Variants in MAP4K3 observed in about 807,000 individuals in gnomAD.
The protein encoded by MAP4K3 is MAPK/ERK kinase kinase kinase 3.
A neutral mutation model predicts 143.5 loss-of-function variants in MAP4K3; 94 were observed. That is an observed-to-expected ratio of 0.65 (90% CI 0.55 to 0.78). The LOEUF is 0.78. Among genes scored for constraint, MAP4K3 ranks in the 30% least tolerant of loss-of-function variants. The pLI is 0.00. For synonymous variants in MAP4K3, 416 were observed against 347.2 expected (o/e 1.20, Z -2.20); for missense variants, 1,077 against 1,068.1 (o/e 1.01, Z -0.12).
chr2:39,400,174 C>T (rs893223119), intron 1 of MAP4K3, among the ~76,000 whole-genome samples: 1 of 152,112 alleles, frequency 6.6e-6, no homozygotes, highest in Admixed American at 6.5e-5. Flanking sequence ...CTTAACCCTC[C>T]CCATCCCTCC....
chr2:39,377,426 T>C (rs531996766), intron 2 of MAP4K3, among the ~76,000 whole-genome samples: 1 of 152,150 alleles, frequency 6.6e-6, no homozygotes, highest in Non-Finnish European at 1.5e-5. Flanking sequence ...GGAAGGGGTT[T>C]CTAAGAGAGA....
In MAP4K3 at chr2:39,269,824, AACACCTCATT is replaced by A. The variant is rs754761535; in HGVS notation, c.1973+2449_1973+2458del. Among the ~76,000 whole-genome samples, 58 of 152,300 alleles carry A rather than the reference AACACCTCATT, an allele frequency of 3.8e-4. 1 individual carries two copies. The highest frequency in any genetic ancestry group is 7.8e-4 in the Admixed American group (12 of 15,304). ...ATTCTGATTACGATTTTCTGGTTAA[AACACCTCATT>A]GTACCCTTGACTAACTTTACATTAG... is the stretch of plus-strand genomic sequence containing the variant. On this transcript the variant is annotated intron_variant, in intron 26 of 33. Coordinates refer to ENST00000263881, the MANE Select transcript of MAP4K3 (RefSeq NM_003618.4).
In MAP4K3 at chr2:39,426,704, A is replaced by C. The variant is rs563512961; in HGVS notation, c.96+10188T>G. 2.0e-5 allele frequency among the ~76,000 whole-genome samples: 3 copies of C among 152,198 alleles called. No individual in the cohort carries two copies. The South Asian group carries it at 6.2e-4, about 32-fold the overall frequency. On this transcript the variant is annotated intron_variant, in intron 1 of 33. Transcript: ENST00000263881. ...TCTTTGCAATTATCCTGTGAATTGAAATTATTTTTTAAAAAGCAAACTTTT... is the reference window on the plus strand; with the variant it reads ...TCTTTGCAATTATCCTGTGAATTGACATTATTTTTTAAAAAGCAAACTTTT...
Position 39,325,994 on chromosome 2 carries a change from T to C in MAP4K3, c.663-33A>G, listed in dbSNP as rs771791966. The C allele has an allele frequency of 1.0e-5, 16 of 1,540,028 alleles. No homozygotes were observed. In the South Asian group the frequency reaches 1.9e-4, roughly 18 times the overall value. ...ATCAACAAATCATTACACAGCATTT[T>C]AATATTTCACATTTTTATCTATTAC... On this transcript the variant is annotated intron_variant, in intron 9 of 33. Coordinates refer to ENST00000263881, the MANE Select transcript of MAP4K3 (RefSeq NM_003618.4).
chr2:39,407,532 G>A (rs961159656), intron 1 of MAP4K3, among the ~76,000 whole-genome samples: 25 of 152,100 alleles, frequency 1.6e-4, no homozygotes, highest in African/African-American at 5.8e-4. Flanking sequence ...AAGGTTATCT[G>A]CCTAAACAGG....
intron 4 of MAP4K3, among the ~76,000 whole-genome samples, chr2:39,342,866 TAGAA>T (rs1435883077): frequency 6.6e-5 from 10 of 152,258 alleles, no homozygotes; most frequent in South Asian, 4.1e-4. Flanking sequence ...AATCCACTAA[TAGAA>T]AGAGAAAAGG....
chr2:39,357,697 C>T (rs928569057), intron 2 of MAP4K3, among the ~76,000 whole-genome samples: 6 of 152,324 alleles, frequency 3.9e-5, no homozygotes, highest in Non-Finnish European at 8.8e-5. Flanking sequence ...TATCAATTTA[C>T]TTCCCACCAT....
chr2:39,322,499 T>C (rs1005897315), intron 12 of MAP4K3, among the ~76,000 whole-genome samples: 1 of 151,800 alleles, frequency 6.6e-6, no homozygotes, highest in Admixed American at 6.6e-5. Flanking sequence ...ACTTCTAAAA[T>C]AGAAACTACA....
At chr2:39,373,378 A>G (rs1228186322) in intron 2 of MAP4K3, among the ~76,000 whole-genome samples, 5 of 152,204 alleles carry the variant, frequency 3.3e-5, no homozygotes, top group Non-Finnish European at 7.3e-5. Context: ...AACAGTTTGG[A>G]GGTTCCTCGA....
chr2:39,254,461 T>C lies in MAP4K3; in HGVS notation c.2530A>G (p.Arg844Gly), dbSNP rs1472160943. The C allele has an allele frequency of 1.9e-6, 3 of 1,613,882 alleles. No homozygotes were observed. The highest frequency in any genetic ancestry group is 2.5e-6 in the Non-Finnish European group (3 of 1,179,808). Residue 844 changes from arginine to glycine, a missense_variant, in exon 32 of 34, where the codon AGA becomes GGA. Around this residue, in one of 2 missense-constraint regions of MAP4K3, gnomAD observed 864 missense variants for 801.2 expected, o/e 1.08. Coordinates refer to ENST00000263881, the MANE Select transcript of MAP4K3 (RefSeq NM_003618.4). ...WKHGMQGRSF[R>G]SNEVTQEISD... ...CATAATTTACTTACCTCATTAGATCTAAAACTTCTACCTTGCATTCCATGT... is the reference window on the plus strand; with the variant it reads ...CATAATTTACTTACCTCATTAGATCCAAAACTTCTACCTTGCATTCCATGT...
intron 32 of MAP4K3, among the ~76,000 whole-genome samples, chr2:39,253,752 G>T (rs1288975885): frequency 2.0e-5 from 3 of 152,156 alleles, no homozygotes; most frequent in South Asian, 4.1e-4. Context: ...GATTGGCTTG[G>T]GGGTACTGGA....
chr2:39,358,248 G>A (rs1665666447), intron 2 of MAP4K3, among the ~76,000 whole-genome samples: 1 of 152,122 alleles, frequency 6.6e-6, no homozygotes, highest in Non-Finnish European at 1.5e-5. Context: ...TTACACTGAT[G>A]TCTGCATGTC....
intron 29 of MAP4K3, among the ~76,000 whole-genome samples, chr2:39,259,035 C>T (rs753682182): frequency 6.7e-6 from 1 of 148,956 alleles, no homozygotes; most frequent in Non-Finnish European, 1.5e-5. Context: ...GCCTGCTGCT[C>T]AGGCCGAAAT....
chr2:39,341,831 C>T (rs1435524886), intron 4 of MAP4K3, among the ~76,000 whole-genome samples: 1 of 152,046 alleles, frequency 6.6e-6, no homozygotes, highest in African/African-American at 2.4e-5. Flanking sequence ...TGCCAGATAT[C>T]TCTTCATTTT....
chr2:39,296,317 T>C (rs1473918006), intron 16 of MAP4K3, among the ~76,000 whole-genome samples: 3 of 152,186 alleles, frequency 2.0e-5, no homozygotes, highest in Admixed American at 1.3e-4. Context: ...AAATATTGCA[T>C]CTTGAGAGCA....
At chr2:39,414,879 A>G (rs1041532477) in intron 1 of MAP4K3, among the ~76,000 whole-genome samples, 4 of 152,036 alleles carry the variant, frequency 2.6e-5, no homozygotes, top group Middle Eastern at 3.4e-3. Flanking sequence ...TCCAACTCAA[A>G]AAAAAAAAAG....
chr2:39,298,982 A>AG (rs1553408172), intron 16 of MAP4K3, among the ~76,000 whole-genome samples: 3 of 150,800 alleles, frequency 2.0e-5, no homozygotes, highest in South Asian at 2.1e-4. Context: ...AAAAAAAAAA[A>AG]GGAATTTTAA....
At chr2:39,332,270 T>A (rs976804352) in intron 7 of MAP4K3, among the ~76,000 whole-genome samples, 1 of 152,082 alleles carries the variant, frequency 6.6e-6, no homozygotes, top group African/African-American at 2.4e-5. Context: ...AAGTGATAGC[T>A]GAGAGAATGT....
intron 1 of MAP4K3, among the ~76,000 whole-genome samples, chr2:39,409,653 A>G (rs1667186021): frequency 6.6e-6 from 1 of 152,244 alleles, no homozygotes; most frequent in African/African-American, 2.4e-5. Context: ...CAGAAATCGG[A>G]AGAGAAAAAT....
Sources: gnomAD v4.1 joint callset for allele counts (sites outside exome capture counted in the v4.1 genomes callset) on GRCh38, gnomAD v4.1.1 for gene constraint, gnomAD v4.1.1 regional missense constraint, MANE v1.5 for transcripts, NCBI Gene and HGNC (gene_info 2026-07-23, HGNC 2026-07-21) for gene names.